The following DAB1 variants were observed in gnomAD, a reference collection of about 807,000 sequenced individuals.
DAB1 encodes DAB adaptor protein 1, also known as disabled homolog 1.
A neutral mutation model predicts 64.6 loss-of-function variants in DAB1; 15 were observed. The observed-to-expected ratio is 0.23, with a 90% CI of 0.16 to 0.36. DAB1 has a LOEUF of 0.36. Ranked by LOEUF, DAB1 falls within the 10% of genes least tolerant of loss-of-function variation. The pLI, the probability that DAB1 is intolerant of heterozygous loss-of-function variation, is 1.00. For missense variants in DAB1, 596 were observed against 706.7 expected (o/e 0.84, Z 1.78); for synonymous variants, 235 against 251.9 (o/e 0.93, Z 0.64).
chr1:57,617,752 A>G (rs1177587340), intron 7 of DAB1, among the ~76,000 whole-genome samples: 1 of 152,176 alleles, frequency 6.6e-6, no homozygotes, highest in East Asian at 1.9e-4. Flanking sequence ...GAGGTACTGA[A>G]ATCGAAGAAA....
intron 1 of DAB1, among the ~76,000 whole-genome samples, chr1:57,392,973 GC>G (rs936938677): frequency 6.6e-6 from 1 of 152,198 alleles, no homozygotes; most frequent in Admixed American, 6.5e-5. Flanking sequence ...GTGCCAGTCG[GC>G]CCCGGCTCCA....
At chr1:57,742,272 G>T (rs947921912) in intron 6 of DAB1, among the ~76,000 whole-genome samples, 1 of 152,180 alleles carries the variant, frequency 6.6e-6, no homozygotes, top group African/African-American at 2.4e-5. Flanking sequence ...GGCGCAGGCA[G>T]CAGCAGATGA....
chr1:57,360,256 A>G, intron 1 of DAB1, among the ~76,000 whole-genome samples: 1 of 152,120 alleles, frequency 6.6e-6, no homozygotes, highest in East Asian at 1.9e-4. Context: ...AAAAAAATTT[A>G]AACTCCAAAA....
At chr1:57,099,930 G>C (rs753846105) in intron 4 of DAB1, among the ~76,000 whole-genome samples, 16 of 152,220 alleles carry the variant, frequency 1.1e-4, no homozygotes, top group Non-Finnish European at 1.8e-4. Flanking sequence ...TCTAAGAACT[G>C]AGAGCGTTGG....
chr1:57,312,959 G>A (rs996190373), intron 1 of DAB1, among the ~76,000 whole-genome samples: 13 of 152,164 alleles, frequency 8.5e-5, no homozygotes, highest in Admixed American at 5.2e-4. Flanking sequence ...GGTCACGGCA[G>A]CGCTTGCTCT....
intron 4 of DAB1, among the ~76,000 whole-genome samples, chr1:58,199,373 C>T (rs1186085116): frequency 6.6e-6 from 1 of 152,170 alleles, no homozygotes; most frequent in Non-Finnish European, 1.5e-5. Flanking sequence ...CATAAATTGG[C>T]AGGAATAACA....
intron 2 of DAB1, among the ~76,000 whole-genome samples, chr1:57,162,339 A>T (rs924026469): frequency 1.3e-5 from 2 of 152,238 alleles, no homozygotes; most frequent in African/African-American, 4.8e-5. Flanking sequence ...CTCTGGACAC[A>T]TTGCCCATGG....
At chr1:57,000,899 C>G (rs1645835446) in intron 14 of DAB1, among the ~76,000 whole-genome samples, 1 of 152,158 alleles carries the variant, frequency 6.6e-6, no homozygotes, top group African/African-American at 2.4e-5. Flanking sequence ...GTAATTAATG[C>G]CACACTGCAT....
intron 5 of DAB1, among the ~76,000 whole-genome samples, chr1:57,987,966 C>T (rs1200523170): frequency 6.6e-6 from 1 of 151,838 alleles, no homozygotes; most frequent in Admixed American, 6.6e-5. Context: ...GCAGGATTCA[C>T]TCGTCCTTTC....
At chr1:57,341,616 G>A (rs971885882) in intron 1 of DAB1, among the ~76,000 whole-genome samples, 2 of 152,256 alleles carry the variant, frequency 1.3e-5, no homozygotes, top group East Asian at 3.9e-4. Context: ...AACAGAGAGA[G>A]AAAACTCTTT....
At chr1:57,245,533 T>C (rs1668804958) in intron 2 of DAB1, among the ~76,000 whole-genome samples, 2 of 152,216 alleles carry the variant, frequency 1.3e-5, no homozygotes, top group Admixed American at 6.5e-5. Context: ...CTTGTGGTGT[T>C]TGGTTTTCTG....
At chr1:57,714,322 G>A (rs963835289) in intron 6 of DAB1, among the ~76,000 whole-genome samples, 9 of 152,128 alleles carry the variant, frequency 5.9e-5, no homozygotes, top group African/African-American at 2.2e-4. Flanking sequence ...GGTGGGATGT[G>A]AACCCAGGAA....
chr1:57,361,605 G>A (rs1353658266), intron 1 of DAB1, among the ~76,000 whole-genome samples: 2 of 151,920 alleles, frequency 1.3e-5, no homozygotes, highest in African/African-American at 4.8e-5. Flanking sequence ...TTGGCCACTG[G>A]AATATGAGTA....
chr1:58,160,165 G>C (rs1655449838), intron 4 of DAB1, among the ~76,000 whole-genome samples: 1 of 152,148 alleles, frequency 6.6e-6, no homozygotes, highest in Non-Finnish European at 1.5e-5. Context: ...CACTACCCTA[G>C]GCAGGTGCAG....
chr1:57,568,520 C>G, intron 7 of DAB1, among the ~76,000 whole-genome samples: 1 of 152,166 alleles, frequency 6.6e-6, no homozygotes, highest in Non-Finnish European at 1.5e-5. Flanking sequence ...TTTTTGCAAT[C>G]TACTCATCTG....
intron 5 of DAB1, among the ~76,000 whole-genome samples, chr1:57,928,946 T>C (rs1644917414): frequency 6.6e-6 from 1 of 152,332 alleles, no homozygotes; most frequent in Admixed American, 6.5e-5. Flanking sequence ...CTCATTTGAG[T>C]AAAAGTCAAG....
At chr1:57,961,598 G>A (rs12740070) in intron 5 of DAB1, among the ~76,000 whole-genome samples, 58,619 of 152,042 alleles carry the variant, frequency 0.39, 12,850 homozygotes, top group Admixed American at 0.51. Context: ...CACATCAAAA[G>A]TCCATAAAGA....
At chr1:57,809,508 G>A (rs765587201) in intron 6 of DAB1, among the ~76,000 whole-genome samples, 5 of 152,142 alleles carry the variant, frequency 3.3e-5, no homozygotes, top group Admixed American at 6.5e-5. Context: ...TGATTTCAAA[G>A]TTAGTACTCC....
At chr1:58,379,915 T>C (rs1315833246) in intron 3 of DAB1, among the ~76,000 whole-genome samples, 1 of 152,230 alleles carries the variant, frequency 6.6e-6, no homozygotes, top group Non-Finnish European at 1.5e-5. Flanking sequence ...GCCACCCAGC[T>C]AGAGATGATA....
Sources: gnomAD v4.1 joint callset for allele counts (sites outside exome capture counted in the v4.1 genomes callset) on GRCh38, gnomAD v4.1.1 for gene constraint, MANE v1.5 for transcripts, NCBI Gene and HGNC (gene_info 2026-07-23, HGNC 2026-07-21) for gene names.